Variants in MAD1L1 observed in about 807,000 individuals in gnomAD.
MAD1L1 encodes mitotic spindle assembly checkpoint protein MAD1.
Under a neutral mutation model 96.9 loss-of-function variants are expected in MAD1L1, and 95 were observed. The ratio of observed to expected loss-of-function variants is 0.98; its 90% CI spans 0.83 to 1.16. The LOEUF is 1.16. Ranked by LOEUF, MAD1L1 falls within the 50% of genes most tolerant of loss-of-function variation. The probability of loss-of-function intolerance (pLI) is 0.00; values close to 1 mark genes in which losing one functional copy is unlikely to be tolerated. For missense variants in MAD1L1, 1,007 were observed against 954.4 expected, an observed-to-expected ratio of 1.06 and a Z score of -0.73; for synonymous variants, 473 against 396.6, an observed-to-expected ratio of 1.19 and a Z score of -2.29.
chr7:2,051,163 C>A (rs1784149131), intron 12 of MAD1L1, among the ~76,000 whole-genome samples: 1 of 152,220 alleles, frequency 6.6e-6, no homozygotes. Context: ...GTCCCTCCAG[C>A]CCTTCCCAGA....
At chr7:2,151,171 A>G (rs1789551871) in intron 10 of MAD1L1, among the ~76,000 whole-genome samples, 1 of 152,254 alleles carries the variant, frequency 6.6e-6, no homozygotes, top group Non-Finnish European at 1.5e-5. Context: ...AAACATTTGA[A>G]TGAGATATTT....
chr7:2,059,164 G>A (rs1784520106), intron 12 of MAD1L1, among the ~76,000 whole-genome samples: 2 of 138,234 alleles, frequency 1.4e-5, no homozygotes. Flanking sequence ...CAGAGGAGAA[G>A]AGAGGCGTGG....
chr7:2,213,385 C>T, intron 9 of MAD1L1, 112 bp from the exon 10 acceptor site: 1 of 987,224 alleles, frequency 1.0e-6, no homozygotes, highest in Non-Finnish European at 1.6e-6. Flanking sequence ...GAGAGCCTGC[C>T]CTCATCTCTG....
intron 11 of MAD1L1, among the ~76,000 whole-genome samples, chr7:2,120,955 T>C (rs899850489): frequency 2.8e-4 from 42 of 152,236 alleles, no homozygotes; most frequent in African/African-American, 9.9e-4. Context: ...AGACCTGACG[T>C]GGGGAGGCCC....
At chr7:2,068,708 C>G (rs911587516) in intron 12 of MAD1L1, among the ~76,000 whole-genome samples, 2 of 152,206 alleles carry the variant, frequency 1.3e-5, no homozygotes, top group African/African-American at 4.8e-5. Flanking sequence ...GCTCACGGTG[C>G]CAGGCATCAG....
At chr7:1,828,503 C>A (rs555062746) in intron 18 of MAD1L1, among the ~76,000 whole-genome samples, 1 of 152,214 alleles carries the variant, frequency 6.6e-6, no homozygotes, top group Non-Finnish European at 1.5e-5. Flanking sequence ...CCGGCAGCCT[C>A]GCGGGAAAGC....
chr7:1,905,201 T>C (rs1190920383), intron 17 of MAD1L1, among the ~76,000 whole-genome samples: 1 of 94,904 alleles, frequency 1.1e-5, no homozygotes, highest in Non-Finnish European at 2.3e-5. Context: ...CGGAAGACGC[T>C]CTTGCGGAAT....
chr7:1,826,198 C>T (rs1420059136), intron 18 of MAD1L1, among the ~76,000 whole-genome samples: 1 of 152,142 alleles, frequency 6.6e-6, no homozygotes, highest in Non-Finnish European at 1.5e-5. Flanking sequence ...GCTGTGGGGC[C>T]AGCCTGCCTG....
intron 12 of MAD1L1, 22 bp from the exon 13 acceptor site, chr7:2,014,664 G>C: frequency 6.3e-7 from 1 of 1,594,112 alleles, no homozygotes; most frequent in Non-Finnish European, 8.6e-7. Flanking sequence ...GAGGGCAGCT[G>C]ATCAGGACCC....
chr7:1,954,043 C>T (rs933488908), intron 16 of MAD1L1, among the ~76,000 whole-genome samples: 1 of 152,230 alleles, frequency 6.6e-6, no homozygotes. Flanking sequence ...TGCCCCGTAG[C>T]CTGTGAGCCC....
At chr7:2,180,520 G>A (rs765298364) in intron 10 of MAD1L1, among the ~76,000 whole-genome samples, 3 of 152,196 alleles carry the variant, frequency 2.0e-5, no homozygotes, top group African/African-American at 4.8e-5. Flanking sequence ...ATTTACGACT[G>A]AGAGTTTTCA....
At chr7:1,931,055 ACCC>A (rs143749999) in intron 17 of MAD1L1, among the ~76,000 whole-genome samples, 4,809 of 148,122 alleles carry the variant, frequency 0.032, 114 homozygotes, top group Admixed American at 0.093. Context: ...CCACGGGAAC[ACCC>A]CCAACTCCTC....
chr7:2,203,063 C>G (rs1438174032), intron 10 of MAD1L1, among the ~76,000 whole-genome samples: 1 of 152,254 alleles, frequency 6.6e-6, no homozygotes, highest in East Asian at 1.9e-4. Flanking sequence ...TCTGCAGCCC[C>G]TCCTCACCCC....
At chr7:1,885,488 T>C (rs1262512128) in intron 18 of MAD1L1, among the ~76,000 whole-genome samples, 1 of 151,914 alleles carries the variant, frequency 6.6e-6, no homozygotes, top group Admixed American at 6.6e-5. Flanking sequence ...GCTGCGGGTG[T>C]GTGTGGGCCA....
chr7:1,879,370 G>C (rs541150939), intron 18 of MAD1L1, among the ~76,000 whole-genome samples: 1 of 151,108 alleles, frequency 6.6e-6, no homozygotes, highest in Non-Finnish European at 1.5e-5. Flanking sequence ...CAGGAGAATC[G>C]CTTGAACCTG....
At chr7:2,076,739 G>A (rs927448454) in intron 11 of MAD1L1, among the ~76,000 whole-genome samples, 2 of 151,928 alleles carry the variant, frequency 1.3e-5, no homozygotes, top group Admixed American at 1.3e-4. Context: ...GTTACGACTT[G>A]GTGAGCCCGC....
At chr7:2,151,620 A>G (rs1789575265) in intron 10 of MAD1L1, among the ~76,000 whole-genome samples, 1 of 152,254 alleles carries the variant, frequency 6.6e-6, no homozygotes, top group African/African-American at 2.4e-5. Context: ...TCTTGCCCCA[A>G]GGTACGAACC....
At position 1,850,466 on chromosome 7, in the gene MAD1L1, T is replaced by C. The variant is rs529088038; in HGVS notation, c.1999-34238A>G. Among the ~76,000 whole-genome samples, 185 of 152,312 alleles carry C rather than the reference T, an allele frequency of 1.2e-3. 3 individuals are homozygous for C. The highest frequency in any genetic ancestry group is 4.1e-3 in the African/African-American group (171 of 41,584). On this transcript the variant is annotated intron_variant, in intron 18 of 18. Coordinates refer to ENST00000265854, the MANE Select transcript of MAD1L1 (RefSeq NM_001013836.2). Reference sequence around the variant, plus strand: ...CTGGCTGTGGGGCCCAGGCTTCCTCTAGTGGGTCCAGGTGGGGGTACCCCA... The same window carrying C: ...CTGGCTGTGGGGCCCAGGCTTCCTCCAGTGGGTCCAGGTGGGGGTACCCCA...
chr7:2,222,521 T>G, intron 5 of MAD1L1, 54 bp downstream of exon 5: 3 of 1,470,544 alleles, frequency 2.0e-6, no homozygotes, highest in Non-Finnish European at 2.7e-6. Flanking sequence ...AACAAGAGCA[T>G]GCACTCCCTC....
Sources: allele counts gnomAD v4.1 joint callset (sites outside exome capture counted in the v4.1 genomes callset), GRCh38; gene constraint gnomAD v4.1.1; transcripts MANE v1.5; gene names NCBI Gene and HGNC (gene_info 2026-07-23, HGNC 2026-07-21).